PIK3C3: variants seen among roughly 807,000 people sequenced by gnomAD.
PIK3C3 encodes the protein phosphatidylinositol 3-kinase catalytic subunit type 3.
PIK3C3 carries 95 observed loss-of-function variants against 126.1 expected under a neutral mutation model. The observed-to-expected ratio is 0.75, with a 90% CI of 0.64 to 0.89. The LOEUF (loss-of-function observed/expected upper bound fraction) is 0.89. Ranked by LOEUF, PIK3C3 falls within the 40% of genes least tolerant of loss-of-function variation. The pLI, the probability that PIK3C3 is intolerant of heterozygous loss-of-function variation, is 0.00. For missense variants in PIK3C3, 829 were observed against 1,063.2 expected, an observed-to-expected ratio of 0.78 and a Z score of 3.06; for synonymous variants, 374 against 360.0, an observed-to-expected ratio of 1.04 and a Z score of -0.44.
chr18:41,960,258 A>G (rs1245611833), intron 2 of PIK3C3, among the ~76,000 whole-genome samples: 2 of 152,188 alleles, frequency 1.3e-5, no homozygotes, highest in African/African-American at 2.4e-5. Context: ...CTTAAGGTAA[A>G]TTCTCATTTT....
chr18:42,043,902 A>AT (rs1391568767), intron 20 of PIK3C3, 85 bp downstream of exon 20: 1 of 843,206 alleles, frequency 1.2e-6, no homozygotes, highest in Non-Finnish European at 2.0e-6. Flanking sequence ...ATACATTTAG[A>AT]ACATGTTAAT....
chr18:42,036,247 A>G (rs924893986), intron 16 of PIK3C3, among the ~76,000 whole-genome samples: 1 of 152,136 alleles, frequency 6.6e-6, no homozygotes, highest in Non-Finnish European at 1.5e-5. Flanking sequence ...TTTATAGGAA[A>G]GTTTTCAAGC....
chr18:42,065,829 T>C (rs987539711), intron 23 of PIK3C3, among the ~76,000 whole-genome samples: 1 of 152,222 alleles, frequency 6.6e-6, no homozygotes, highest in African/African-American at 2.4e-5. Flanking sequence ...CATAAGTCAG[T>C]AAATCTGATA....
At chr18:42,013,691 TAGTG>T (rs1284723797) in intron 11 of PIK3C3, 95 bp downstream of exon 11, 1 of 892,566 alleles carries the variant, frequency 1.1e-6, no homozygotes, top group Non-Finnish European at 1.8e-6. Flanking sequence ...TACCAAATGC[TAGTG>T]TTACTAATTT....
intron 2 of PIK3C3, among the ~76,000 whole-genome samples, chr18:41,961,646 CAG>C (rs1980092106): frequency 6.6e-6 from 1 of 152,072 alleles, no homozygotes; most frequent in Non-Finnish European, 1.5e-5. Context: ...TTTGAGTAAA[CAG>C]AAATAGAATT....
intron 13 of PIK3C3, chr18:42,025,849 AT>A (rs551130542): frequency 9.8e-4 from 149 of 152,340 alleles, no homozygotes; most frequent in African/African-American, 3.2e-3. Context: ...GAGTGGAATT[AT>A]TCATTCAACA....
intron 18 of PIK3C3, 145 bp from the exon 19 acceptor site, chr18:42,040,532 A>AGAT: frequency 2.1e-6 from 1 of 485,910 alleles, no homozygotes; most frequent in Non-Finnish European, 3.6e-6. Context: ...GCCAGTACAA[A>AGAT]CTTAATGTAG....
At chr18:42,025,866 G>A (rs1349214836) in intron 13 of PIK3C3, 1 of 152,146 alleles carries the variant, frequency 6.6e-6, no homozygotes, top group Non-Finnish European at 1.5e-5. Flanking sequence ...CAACAGTAAT[G>A]TATTAATAAT....
chr18:41,977,775 A>G (rs1237651471), intron 4 of PIK3C3, among the ~76,000 whole-genome samples: 1 of 152,208 alleles, frequency 6.6e-6, no homozygotes. Flanking sequence ...GTGAGCCACC[A>G]TGCCTGGGCC....
At chr18:41,977,253 C>T (rs1980968805) in intron 4 of PIK3C3, among the ~76,000 whole-genome samples, 3 of 152,014 alleles carry the variant, frequency 2.0e-5, no homozygotes, top group African/African-American at 7.3e-5. Context: ...ATTAAAAAAA[C>T]AGTAGATCTT....
chr18:41,995,930 G>GT lies in PIK3C3; in HGVS notation c.830dup (p.Leu277PhefsTer7). ...AGCAAACACCACAAGCTTGCCCGGA[G>GT]TTTAAGAAGTGGACCTTCTGACCAC... On this transcript the variant is annotated frameshift_variant, in exon 8 of 25. Coordinates refer to ENST00000262039, the MANE Select transcript of PIK3C3 (RefSeq NM_002647.4). LOFTEE classifies it high-confidence loss of function. 1 of 1,613,230 alleles carries GT rather than the reference G, an allele frequency of 6.2e-7. No individual in the cohort carries two copies. Among genetic ancestry groups the GT allele is most frequent in the Non-Finnish European group, 8.5e-7 (1 of 1,179,414 alleles).
chr18:42,044,816 T>G (rs901902509), intron 20 of PIK3C3, among the ~76,000 whole-genome samples: 1 of 152,198 alleles, frequency 6.6e-6, no homozygotes, highest in Non-Finnish European at 1.5e-5. Flanking sequence ...AATGACAGGA[T>G]GTATGATGTG....
intron 24 of PIK3C3, among the ~76,000 whole-genome samples, chr18:42,079,227 C>T (rs1000574356): frequency 1.3e-5 from 2 of 152,106 alleles, no homozygotes; most frequent in South Asian, 2.1e-4. Flanking sequence ...GCCCTGATAG[C>T]GTTCTTAATT....
chr18:41,967,461 A>G (rs1980428082), intron 3 of PIK3C3, among the ~76,000 whole-genome samples: 1 of 152,048 alleles, frequency 6.6e-6, no homozygotes, highest in Admixed American at 6.6e-5. Flanking sequence ...TTTTCCCCTA[A>G]AGGGTTCTGA....
intron 10 of PIK3C3, 98 bp from the exon 11 acceptor site, chr18:42,013,344 T>C (rs1442978825): frequency 1.3e-6 from 1 of 751,604 alleles, no homozygotes; most frequent in Non-Finnish European, 2.1e-6. Context: ...AAGTGATAGA[T>C]AAAAGTAAAA....
intron 3 of PIK3C3, among the ~76,000 whole-genome samples, chr18:41,968,131 C>A (rs1277074965): frequency 2.0e-5 from 3 of 152,174 alleles, no homozygotes; most frequent in African/African-American, 7.2e-5. Flanking sequence ...AGATCCATCC[C>A]AAGGCACCTA....
chr18:42,005,153 C>T (rs1391609042), intron 10 of PIK3C3, among the ~76,000 whole-genome samples: 2 of 152,054 alleles, frequency 1.3e-5, no homozygotes, highest in Non-Finnish European at 2.9e-5. Context: ...AGAAATGTGT[C>T]CTTAGGGGAT....
intron 13 of PIK3C3, among the ~76,000 whole-genome samples, chr18:42,022,327 G>A (rs551811886): frequency 3.0e-4 from 46 of 151,856 alleles, no homozygotes; most frequent in African/African-American, 9.2e-4. Flanking sequence ...GATGTTCCCC[G>A]CCCTGTGTCC....
intron 2 of PIK3C3, among the ~76,000 whole-genome samples, chr18:41,961,807 G>C (rs1048123447): frequency 1.3e-5 from 2 of 152,024 alleles, no homozygotes; most frequent in African/African-American, 4.8e-5. Context: ...TAAATATATA[G>C]AGGGTTTAAA....
Sources: allele counts gnomAD v4.1 joint callset (sites outside exome capture counted in the v4.1 genomes callset), GRCh38; gene constraint gnomAD v4.1.1; transcripts MANE v1.5; gene names NCBI Gene and HGNC (gene_info 2026-07-23, HGNC 2026-07-21).